The following ERC1 variants were observed in gnomAD, a reference collection of about 807,000 sequenced individuals.
ERC1 encodes the protein RAB6 interacting protein 2.
In ERC1, 56 loss-of-function variants were observed where a neutral mutation model predicts 132.0. The ratio of observed to expected loss-of-function variants is 0.42; its 90% CI spans 0.34 to 0.53. The LOEUF (loss-of-function observed/expected upper bound fraction) is 0.53, where lower values mean the gene tolerates loss of function less well. ERC1 is among the 20% of genes least tolerant of loss of function. The pLI, the probability that ERC1 is intolerant of heterozygous loss-of-function variation, is 0.03. For missense variants in ERC1, 1,202 were observed against 1,349.9 expected, an observed-to-expected ratio of 0.89 and a Z score of 1.72; for synonymous variants, 478 against 476.1, an observed-to-expected ratio of 1.00 and a Z score of -0.05.
intron 15 of ERC1, among the ~76,000 whole-genome samples, chr12:1,356,847 T>G (rs897406478): frequency 6.6e-6 from 1 of 152,204 alleles, no homozygotes; most frequent in African/African-American, 2.4e-5. Context: ...TCCAAACCTG[T>G]GTAGGAGAAA....
At chr12:1,403,756 T>C (rs181858532) in intron 16 of ERC1, among the ~76,000 whole-genome samples, 103 of 152,340 alleles carry the variant, frequency 6.8e-4, no homozygotes, top group Middle Eastern at 3.4e-3. Context: ...GTGTACTTTA[T>C]TAGGATTTCT....
At chr12:1,359,936 A>G (rs968858812) in intron 15 of ERC1, among the ~76,000 whole-genome samples, 8 of 124,516 alleles carry the variant, frequency 6.4e-5, no homozygotes, top group African/African-American at 2.1e-4. Flanking sequence ...AACTAATTCT[A>G]TAGATGCAGG....
chr12:1,317,016 C>G (rs2081786725), intron 15 of ERC1, among the ~76,000 whole-genome samples: 1 of 152,014 alleles, frequency 6.6e-6, no homozygotes, highest in Non-Finnish European at 1.5e-5. Context: ...CAAAAATTAG[C>G]TGGGTGTAGT....
At chr12:1,041,907 C>T (rs1241696141) in intron 2 of ERC1, among the ~76,000 whole-genome samples, 2 of 152,052 alleles carry the variant, frequency 1.3e-5, no homozygotes, top group African/African-American at 2.4e-5. Flanking sequence ...CGCCATCACA[C>T]CCAGCTAATT....
intron 16 of ERC1, among the ~76,000 whole-genome samples, chr12:1,383,117 C>A (rs1441239078): frequency 6.6e-6 from 1 of 152,186 alleles, no homozygotes; most frequent in Non-Finnish European, 1.5e-5. Flanking sequence ...CAAACTGCTG[C>A]CTTTTATGAT....
intron 7 of ERC1, among the ~76,000 whole-genome samples, chr12:1,140,707 G>C (rs1422923209): frequency 6.6e-6 from 1 of 152,102 alleles, no homozygotes; most frequent in Non-Finnish European, 1.5e-5. Context: ...TCTTAGATTT[G>C]CACTGTTCAG....
intron 15 of ERC1, among the ~76,000 whole-genome samples, chr12:1,370,114 G>A (rs576690237): frequency 1.3e-5 from 2 of 152,258 alleles, no homozygotes; most frequent in South Asian, 2.1e-4. Flanking sequence ...AAAAGCTCAG[G>A]CCACTTATAT....
chr12:1,380,866 G>A (rs1249097362), intron 16 of ERC1: 1 of 152,248 alleles, frequency 6.6e-6, no homozygotes, highest in Admixed American at 6.5e-5. Context: ...GAGCTCCTGA[G>A]TTGTTAGTGA....
intron 17 of ERC1, among the ~76,000 whole-genome samples, chr12:1,436,088 A>G (rs1430754397): frequency 1.3e-5 from 2 of 152,188 alleles, no homozygotes; most frequent in Non-Finnish European, 2.9e-5. Context: ...TAGAGTTCAA[A>G]TAATAAGGTG....
intron 1 of ERC1, among the ~76,000 whole-genome samples, chr12:1,007,538 C>CTGTGTGTG (rs1255758100): frequency 1.0e-3 from 54 of 53,358 alleles, no homozygotes; most frequent in Admixed American, 7.6e-3. Context: ...CTCTCTCTCT[C>CTGTGTGTG]TCTGTGTGTG....
intron 15 of ERC1, among the ~76,000 whole-genome samples, chr12:1,323,892 C>T (rs557697222): frequency 6.6e-6 from 1 of 152,318 alleles, no homozygotes; most frequent in East Asian, 1.9e-4. Flanking sequence ...AACATCTTCA[C>T]CCGTTTTACC....
intron 2 of ERC1, among the ~76,000 whole-genome samples, chr12:1,064,667 G>A (rs902845045): frequency 5.3e-5 from 8 of 152,098 alleles, no homozygotes; most frequent in Non-Finnish European, 1.2e-4. Flanking sequence ...CATTGGGATT[G>A]CAGGAGTTAG....
At chr12:1,092,281 G>GC (rs1943343977) in intron 3 of ERC1, among the ~76,000 whole-genome samples, 1 of 152,202 alleles carries the variant, frequency 6.6e-6, no homozygotes, top group African/African-American at 2.4e-5. Context: ...ATAGGCGTGA[G>GC]CCACCGCGCC....
At chr12:1,171,489 A>G (rs527612847) in intron 8 of ERC1, among the ~76,000 whole-genome samples, 35 of 151,102 alleles carry the variant, frequency 2.3e-4, no homozygotes, top group Non-Finnish European at 4.1e-4. Context: ...AAAATTCACT[A>G]TTAATTACTA....
chr12:1,349,550 GC>G (rs1226806104), intron 15 of ERC1, among the ~76,000 whole-genome samples: 1 of 151,586 alleles, frequency 6.6e-6, no homozygotes, highest in East Asian at 1.9e-4. Context: ...TGTAGTCCCA[GC>G]TACTCGGGAG....
At chr12:1,227,999 TC>T (rs1356568327) in intron 12 of ERC1, among the ~76,000 whole-genome samples, 9 of 152,326 alleles carry the variant, frequency 5.9e-5, no homozygotes, top group African/African-American at 2.2e-4. Flanking sequence ...TCTATTCTGT[TC>T]CATTGGTATA....
rs1462542558 is a variant in ERC1, at chr12:1,193,430, A to T, written c.2351+3378A>T. ...TTCAGTGAGAAGCAGAATTAGTAGG[A>T]TACACACACACACACACACACACAC... On this transcript the variant is annotated intron_variant, in intron 12 of 18. Coordinates refer to ENST00000360905, the MANE Select transcript of ERC1 (RefSeq NM_178040.4). Among the ~76,000 whole-genome samples the T allele has an allele frequency of 5.9e-5, 7 of 118,874 alleles. No homozygotes were observed. In the East Asian group the frequency reaches 1.2e-3, roughly 20 times the overall value. The allele number at this position is 118,874 out of a possible 152,430, so 78.0% of individuals were successfully genotyped here.
rs565370600 is a variant in ERC1 at position 1,175,886 on chromosome 12, G to A, written c.1738-4654G>A. ...TGCAGCAGTTCAGTCACAGCGTCAG[G>A]CTCCACTTCTAATTCTGTTTCTCTT... On this transcript the variant is annotated intron_variant, in intron 8 of 18. Coordinates refer to ENST00000360905, the MANE Select transcript of ERC1 (RefSeq NM_178040.4). 1.4e-4 allele frequency among the ~76,000 whole-genome samples: 21 copies of A among 152,208 alleles called. No homozygotes were observed. In the South Asian group the frequency reaches 4.0e-3, roughly 29 times the overall value.
chr12:1,339,095 C>A (rs1442807976), intron 15 of ERC1, among the ~76,000 whole-genome samples: 1 of 151,940 alleles, frequency 6.6e-6, no homozygotes, highest in African/African-American at 2.4e-5. Flanking sequence ...TAGCAGGTGC[C>A]AGGGTGCCTG....
Sources: allele counts gnomAD v4.1 joint callset (sites outside exome capture counted in the v4.1 genomes callset), GRCh38; gene constraint gnomAD v4.1.1; transcripts MANE v1.5; gene names NCBI Gene and HGNC (gene_info 2026-07-23, HGNC 2026-07-21).